The following PFKFB1 variants were observed in gnomAD, a reference collection of about 807,000 sequenced individuals.
PFKFB1 encodes 6-phosphofructo-2-kinase/fructose-2,6-bisphosphatase 1.
A neutral mutation model predicts 46.4 loss-of-function variants in PFKFB1; 34 were observed. The ratio of observed to expected loss-of-function variants is 0.73; its 90% confidence interval spans 0.56 to 0.98. PFKFB1 has a LOEUF of 0.98. Among genes scored for constraint, PFKFB1 ranks in the 50% least tolerant of loss-of-function variants. The probability of loss-of-function intolerance (pLI) is 0.00; values close to 1 mark genes in which losing one functional copy is unlikely to be tolerated. For missense variants in PFKFB1, 393 were observed against 376.3 expected, an observed-to-expected ratio of 1.04 and a Z score of -0.37; for synonymous variants, 119 against 133.8, an observed-to-expected ratio of 0.89 and a Z score of 0.76.
chrX:54,965,093 G>A (rs1934438652), intron 1 of PFKFB1, among the ~76,000 whole-genome samples: 1 of 111,605 alleles, frequency 9.0e-6, no homozygotes, highest in Non-Finnish European at 1.9e-5. Flanking sequence ...AACACAAGAA[G>A]GGGAAGAAAG....
In PFKFB1 at chrX:54,993,450, G is replaced by A. The variant is rs1482867422; in HGVS notation, c.97+461C>T. Among the ~76,000 whole-genome samples the A allele has an allele frequency of 3.6e-5, 4 of 111,427 alleles. No individual in the cohort carries two copies. The East Asian group carries it at 1.1e-3, about 32-fold the overall frequency. On this transcript the variant is annotated intron_variant, in intron 1 of 13. Coordinates refer to ENST00000375006, the MANE Select transcript of PFKFB1 (RefSeq NM_002625.4). ...CTGACCAGTGACATGGCACTGTTGT[G>A]TACCCAGCACCTGTCCCCTGAAAGA...
chrX:54,990,803 T>C (rs1191671678), intron 1 of PFKFB1, among the ~76,000 whole-genome samples: 4 of 112,466 alleles, frequency 3.6e-5, no homozygotes, highest in African/African-American at 1.3e-4. Flanking sequence ...AGAAAAACTC[T>C]AATGTATTGT....
intron 5 of PFKFB1, 55 bp from the exon 6 acceptor site, chrX:54,958,417 T>C (rs367923800): frequency 1.2e-5 from 9 of 745,349 alleles, no homozygotes; most frequent in Middle Eastern, 4.0e-4. Flanking sequence ...TGGTAGGAGC[T>C]GAACATAGCT....
intron 1 of PFKFB1, among the ~76,000 whole-genome samples, chrX:54,969,217 C>T (rs1192410652): frequency 8.9e-6 from 1 of 111,800 alleles, no homozygotes; most frequent in East Asian, 2.8e-4. Flanking sequence ...GTCATGAGGG[C>T]TCTACCTTCA....
intron 6 of PFKFB1, among the ~76,000 whole-genome samples, chrX:54,956,597 A>G (rs764624733): frequency 9.0e-6 from 1 of 111,431 alleles, no homozygotes; most frequent in Non-Finnish European, 1.9e-5. Flanking sequence ...GGAACTAGAG[A>G]TCTTGGCCAG....
intron 1 of PFKFB1, 149 bp downstream of exon 1, chrX:54,993,762 G>T: frequency 1.3e-6 from 1 of 791,124 alleles, no homozygotes; most frequent in Non-Finnish European, 1.8e-6. Flanking sequence ...TCACGTTTTT[G>T]ACACTAGCCT....
chrX:54,952,649 G>C (rs1448008901), intron 7 of PFKFB1, among the ~76,000 whole-genome samples: 1 of 108,838 alleles, frequency 9.2e-6, no homozygotes, highest in African/African-American at 3.4e-5. Context: ...GCATGTGTGT[G>C]TTTCTCTCCT....
At chrX:54,953,318 C>G (rs1934042137) in intron 7 of PFKFB1, among the ~76,000 whole-genome samples, 1 of 112,015 alleles carries the variant, frequency 8.9e-6, no homozygotes, top group African/African-American at 3.3e-5. Context: ...AAAGCCTCTC[C>G]CTAGTTCTTC....
At position 54,937,644 on chromosome X, in the gene PFKFB1, G is replaced by A. The variant is rs762369271; in HGVS notation, c.1179C>T (p.His393=). The change falls in exon 11 of 14, where the codon CAC becomes CAT. Residue 393 remains histidine (H), a synonymous_variant. Coordinates refer to ENST00000375006, the MANE Select transcript of PFKFB1 (RefSeq NM_002625.4). ...ERQENVLVIC[H]QAVMRCLLAY... ...CCAGGAGGCACCGCATGACAGCCTG[G>A]TGGCAGATCACCAGTACATTCTCCT... 5.8e-6 allele frequency: 7 copies of A among 1,208,457 alleles called. No homozygotes were observed. In the Admixed American group the frequency reaches 1.3e-4, roughly 22 times the overall value.
chrX:54,943,307 G>C (rs1175839677), intron 10 of PFKFB1, among the ~76,000 whole-genome samples: 1 of 111,936 alleles, frequency 8.9e-6, no homozygotes, highest in East Asian at 2.8e-4. Flanking sequence ...CCAGAAGACA[G>C]TGAGGGTAAT....
In PFKFB1 at chrX:54,994,045, G is replaced by T. The variant is rs185484995; in HGVS notation, c.-38C>A. The T allele has an allele frequency of 8.5e-7, 1 of 1,176,365 alleles. No individual in the cohort carries two copies. The highest frequency in any genetic ancestry group is 3.1e-5 in the East Asian group (1 of 32,298). On this transcript the variant is annotated 5_prime_UTR_variant, in exon 1 of 14. Transcript: ENST00000375006. ...ACCGAATGACATCACTGCCCACAAGGTACCTGGCCTCACTTCCTATCTTAC... is the reference window on the plus strand; with the variant it reads ...ACCGAATGACATCACTGCCCACAAGTTACCTGGCCTCACTTCCTATCTTAC...
At position 54,958,312 on chromosome X, in the gene PFKFB1, G is replaced by A; in HGVS notation, c.510C>T (p.Asn170=). Residue 170 remains asparagine (N), a synonymous_variant, in exon 6 of 14, where the codon AAC becomes AAT. Coordinates refer to ENST00000375006, the MANE Select transcript of PFKFB1 (RefSeq NM_002625.4). ...AGTAACTGGTGGTCCTTACCCTGAT[G>A]TTTTCTGCAATTATGCCAGGGTCAT... is the stretch of plus-strand genomic sequence containing the variant. ...ICNDPGIIAE[N]IRQVKLGSPD... 2 of 1,180,654 alleles carry A rather than the reference G, an allele frequency of 1.7e-6. No homozygotes were observed. The highest frequency in any genetic ancestry group is 1.2e-6 in the Non-Finnish European group (1 of 867,963).
At chrX:54,954,656 C>A (rs907018692) in intron 7 of PFKFB1, among the ~76,000 whole-genome samples, 13 of 112,188 alleles carry the variant, frequency 1.2e-4, no homozygotes, top group Non-Finnish European at 2.1e-4. Flanking sequence ...CTAAGCTGGA[C>A]TGGGTCCTAT....
At chrX:54,976,633 TCATA>T (rs1934846327) in intron 1 of PFKFB1, among the ~76,000 whole-genome samples, 1 of 111,487 alleles carries the variant, frequency 9.0e-6, no homozygotes, top group South Asian at 3.7e-4. Context: ...GCATTTTCAC[TCATA>T]CATACCTTTG....
intron 1 of PFKFB1, among the ~76,000 whole-genome samples, chrX:54,969,454 C>T (rs1053043853): frequency 1.8e-5 from 2 of 111,711 alleles, no homozygotes; most frequent in African/African-American, 6.5e-5. Context: ...ACTTCCCAGC[C>T]TCCAGAACTG....
rs138841059 is a variant in PFKFB1, at chrX:54,963,361, T to C, written c.119A>G (p.Asn40Ser). Residue 40 changes from asparagine (N) to serine (S), a missense_variant, in exon 2 of 14, where the codon AAT becomes AGT. Asn to Ser is a conservative substitution (Grantham distance 46). Coordinates refer to ENST00000375006, the MANE Select transcript of PFKFB1 (RefSeq NM_002625.4). ...CACCATGATCACCATTGTGGGGGAA[T>C]TGGTAAACTGGGGTATGGATGCTGA... ...RRGSSIPQFT[N>S]SPTMVIMVGL... The C allele has an allele frequency of 1.2e-5, 15 of 1,208,347 alleles. No homozygotes were observed. Among genetic ancestry groups the C allele is most frequent in the African/African-American group, 1.2e-4 (7 of 57,167 alleles).
chrX:54,994,935 C>A (rs1390704139), upstream of PFKFB1: 2 of 598,117 alleles, frequency 3.3e-6, no homozygotes, highest in East Asian at 1.7e-4. Context: ...CCATCAGATG[C>A]CCTAAGGAGA....
At chrX:54,994,384 C>T, upstream of PFKFB1, 1 of 754,115 alleles carries the variant, frequency 1.3e-6, no homozygotes, top group Non-Finnish European at 1.6e-6. Flanking sequence ...GAAGACAAGA[C>T]TAATAGAGTA....
intron 2 of PFKFB1, among the ~76,000 whole-genome samples, chrX:54,961,851 G>T (rs1012420580): frequency 8.9e-6 from 1 of 111,872 alleles, no homozygotes; most frequent in Non-Finnish European, 1.9e-5. Flanking sequence ...GATATGGGCA[G>T]CGGGAGTCAG....
Sources: allele counts gnomAD v4.1 joint callset (sites outside exome capture counted in the v4.1 genomes callset), GRCh38; gene constraint gnomAD v4.1.1; transcripts MANE v1.5; gene names NCBI Gene and HGNC (gene_info 2026-07-23, HGNC 2026-07-21).